The following PIP4K2A variants were observed in gnomAD, a reference collection of about 807,000 sequenced individuals.
The protein encoded by PIP4K2A is phosphatidylinositol 5-phosphate 4-kinase type-2 alpha.
In PIP4K2A, 14 loss-of-function variants were observed where a neutral mutation model predicts 42.9. The ratio of observed to expected loss-of-function variants is 0.33; its 90% CI spans 0.22 to 0.51. The LOEUF (loss-of-function observed/expected upper bound fraction) is 0.51. Among genes scored for constraint, PIP4K2A ranks in the 20% least tolerant of loss-of-function variants. The pLI is 0.97. For missense variants in PIP4K2A, 434 were observed against 519.8 expected (o/e 0.83, Z 1.61); for synonymous variants, 192 against 192.2 (o/e 1.00, Z 0.01).
chr10:22,573,543 C>T (rs1837039884), intron 4 of PIP4K2A, 86 bp from the exon 5 acceptor site: 3 of 1,206,860 alleles, frequency 2.5e-6, no homozygotes, highest in Non-Finnish European at 3.4e-6. Context: ...CTATGGTGTT[C>T]ATACAAAGTG....
intron 6 of PIP4K2A, among the ~76,000 whole-genome samples, chr10:22,561,955 T>C (rs1440158444): frequency 2.0e-5 from 3 of 152,172 alleles, no homozygotes; most frequent in Non-Finnish European, 4.4e-5. Context: ...TTCTTGCAAA[T>C]CATTTCATTT....
At chr10:22,600,975 A>G (rs1335080492) in intron 3 of PIP4K2A, among the ~76,000 whole-genome samples, 1 of 152,018 alleles carries the variant, frequency 6.6e-6, no homozygotes, top group African/African-American at 2.4e-5. Context: ...TCAGAAAAAA[A>G]GAATATAAAA....
intron 3 of PIP4K2A, among the ~76,000 whole-genome samples, chr10:22,596,854 G>A (rs1054721793): frequency 3.3e-5 from 5 of 152,218 alleles, no homozygotes; most frequent in Non-Finnish European, 7.3e-5. Context: ...GCCCTGCAGG[G>A]GCCCTGCCCA....
intron 6 of PIP4K2A, among the ~76,000 whole-genome samples, chr10:22,563,469 C>A (rs1477163625): frequency 6.6e-6 from 1 of 152,164 alleles, no homozygotes; most frequent in Non-Finnish European, 1.5e-5. Context: ...TAATTTATTT[C>A]ACTACTTTAG....
At chr10:22,709,163 G>A (rs1833871266) in intron 1 of PIP4K2A, among the ~76,000 whole-genome samples, 1 of 151,868 alleles carries the variant, frequency 6.6e-6, no homozygotes, top group Non-Finnish European at 1.5e-5. Flanking sequence ...TTGAGAAACA[G>A]GGATCTGGTT....
chr10:22,540,148 G>A (rs1836067101), intron 8 of PIP4K2A, 74 bp from the exon 9 acceptor site: 2 of 797,486 alleles, frequency 2.5e-6, no homozygotes, highest in African/African-American at 1.7e-5. Flanking sequence ...GAGGGAGGGA[G>A]GGAGGGAGAA....
chr10:22,624,595 T>C (rs1221404799), intron 1 of PIP4K2A, among the ~76,000 whole-genome samples: 1 of 152,212 alleles, frequency 6.6e-6, no homozygotes, highest in Non-Finnish European at 1.5e-5. Context: ...AGATGAGTCA[T>C]GCACTTTTCC....
At chr10:22,583,279 CT>C (rs1217208609) in intron 4 of PIP4K2A, among the ~76,000 whole-genome samples, 3 of 152,240 alleles carry the variant, frequency 2.0e-5, no homozygotes, top group Admixed American at 6.5e-5. Flanking sequence ...AGCCCAAGGC[CT>C]CCTGGAAAGC....
At chr10:22,546,306 T>C (rs1836257394) in intron 7 of PIP4K2A, among the ~76,000 whole-genome samples, 1 of 152,202 alleles carries the variant, frequency 6.6e-6, no homozygotes, top group South Asian at 2.1e-4. Context: ...ATGGTAGAAG[T>C]CTTTTTTTAA....
At chr10:22,656,306 G>A (rs574496643) in intron 1 of PIP4K2A, among the ~76,000 whole-genome samples, 21 of 152,266 alleles carry the variant, frequency 1.4e-4, no homozygotes, top group Non-Finnish European at 2.8e-4. Context: ...CTCCAGAAGT[G>A]GGAGAGGGGA....
chr10:22,610,112 C>T (rs2559528), intron 1 of PIP4K2A, among the ~76,000 whole-genome samples: 85,557 of 152,106 alleles, frequency 0.56, 25,397 homozygotes, highest in East Asian at 0.87. Context: ...AAATTTTTCA[C>T]GTAAATATTT....
At chr10:22,692,725 A>G (rs1242409799) in intron 1 of PIP4K2A, among the ~76,000 whole-genome samples, 1 of 152,182 alleles carries the variant, frequency 6.6e-6, no homozygotes, top group Non-Finnish European at 1.5e-5. Context: ...ACAGCCCTTC[A>G]TACAAGACCA....
intron 3 of PIP4K2A, among the ~76,000 whole-genome samples, chr10:22,597,886 C>T (rs1041839850): frequency 7.2e-5 from 11 of 152,150 alleles, no homozygotes; most frequent in Non-Finnish European, 1.6e-4. Context: ...AAAATATTCA[C>T]TTTCTGGAAC....
At chr10:22,631,344 G>A (rs992554801) in intron 1 of PIP4K2A, among the ~76,000 whole-genome samples, 3 of 152,056 alleles carry the variant, frequency 2.0e-5, no homozygotes, top group African/African-American at 7.2e-5. Context: ...GGTGGGCCCT[G>A]ATCTGATGGA....
intron 8 of PIP4K2A, 66 bp downstream of exon 8, chr10:22,541,738 G>A (rs1028068755): frequency 1.3e-5 from 20 of 1,486,996 alleles, no homozygotes; most frequent in Non-Finnish European, 1.8e-5. Context: ...AGTGCTTACT[G>A]GTAGATAACA....
intron 1 of PIP4K2A, among the ~76,000 whole-genome samples, chr10:22,626,419 G>T (rs759526556): frequency 2.6e-5 from 4 of 152,150 alleles, no homozygotes; most frequent in Admixed American, 6.5e-5. Flanking sequence ...TTTGTCTAAA[G>T]AAATAATTGT....
chr10:22,693,723 G>A (rs75932563), intron 1 of PIP4K2A, among the ~76,000 whole-genome samples: 2,525 of 152,140 alleles, frequency 0.017, 59 homozygotes, highest in African/African-American at 0.054. Context: ...CTGGTGCTGC[G>A]TTGGGAGACA....
At chr10:22,695,801 G>A (rs1288024117) in intron 1 of PIP4K2A, among the ~76,000 whole-genome samples, 1 of 152,144 alleles carries the variant, frequency 6.6e-6, no homozygotes, top group Non-Finnish European at 1.5e-5. Flanking sequence ...GTCACAGTAA[G>A]TAGCTGTTTT....
chr10:22,536,340 C>T lies in PIP4K2A; in HGVS notation c.*861G>A, dbSNP rs1037327890. The T allele has an allele frequency of 1.8e-5, 6 of 339,882 alleles. No homozygotes were observed. Among genetic ancestry groups the T allele is most frequent in the South Asian group, 2.1e-4 (1 of 4,750 alleles). 21.1% of individuals were successfully genotyped at this position (339,882 alleles called of 1,614,324 possible). ...TGTAGCATTAATTCCTATATTGCAACGTAAGGGTGAACAATGAAGGCTCCA... is the reference window on the plus strand; with the variant it reads ...TGTAGCATTAATTCCTATATTGCAATGTAAGGGTGAACAATGAAGGCTCCA... On this transcript the variant is annotated 3_prime_UTR_variant, in exon 10 of 10. Coordinates refer to ENST00000376573, the MANE Select transcript of PIP4K2A (RefSeq NM_005028.5).
Sources: allele counts gnomAD v4.1 joint callset (sites outside exome capture counted in the v4.1 genomes callset), GRCh38; gene constraint gnomAD v4.1.1; transcripts MANE v1.5; gene names NCBI Gene and HGNC (gene_info 2026-07-23, HGNC 2026-07-21).